The following SGCD variants were observed in gnomAD, a reference collection of about 807,000 sequenced individuals.
SGCD encodes sarcoglycan delta, also known as delta-sarcoglycan.
A neutral mutation model predicts 36.6 loss-of-function variants in SGCD; 18 were observed. The observed-to-expected ratio is 0.49, with a 90% CI of 0.34 to 0.73. The LOEUF is 0.73. SGCD is among the 30% of genes least tolerant of loss of function. The probability of loss-of-function intolerance (pLI) is 0.01; values close to 1 mark genes in which losing one functional copy is unlikely to be tolerated. For synonymous variants in SGCD, 133 were observed against 130.6 expected (o/e 1.02, Z -0.12); for missense variants, 387 against 346.7 (o/e 1.12, Z -0.92).
At chr5:156,427,486 C>T (rs1773724788) in intron 3 of SGCD, among the ~76,000 whole-genome samples, 3 of 151,998 alleles carry the variant, frequency 2.0e-5, no homozygotes, top group Admixed American at 1.3e-4. Flanking sequence ...TGGTGAACAG[C>T]GACAGTTTTA....
chr5:156,645,141 TTAAAA>T (rs1271827195), intron 6 of SGCD, among the ~76,000 whole-genome samples: 18 of 152,254 alleles, frequency 1.2e-4, no homozygotes, highest in Admixed American at 3.9e-4. Flanking sequence ...TAAATTGAAC[TTAAAA>T]TAAAGCTGAA....
chr5:156,562,719 A>G (rs2113249897), intron 4 of SGCD, among the ~76,000 whole-genome samples: 1 of 152,150 alleles, frequency 6.6e-6, no homozygotes, highest in East Asian at 1.9e-4. Context: ...AATCCAGGTA[A>G]CAGGCGATGG....
At chr5:156,377,189 A>T (rs1339318577) in intron 3 of SGCD, among the ~76,000 whole-genome samples, 2 of 152,234 alleles carry the variant, frequency 1.3e-5, no homozygotes, top group African/African-American at 4.8e-5. Flanking sequence ...AGTCTAATTA[A>T]TTCATCTGAT....
At chr5:156,201,189 G>A (rs890537643) in intron 3 of SGCD, among the ~76,000 whole-genome samples, 1 of 152,086 alleles carries the variant, frequency 6.6e-6, no homozygotes, top group Non-Finnish European at 1.5e-5. Flanking sequence ...TACATTTAAC[G>A]CTACTGAACT....
chr5:156,323,056 A>C (rs1767714323), upstream of SGCD, among the ~76,000 whole-genome samples: 1 of 152,164 alleles, frequency 6.6e-6, no homozygotes, highest in South Asian at 2.1e-4. Flanking sequence ...ACCCCAGGTG[A>C]TTCTAATATA....
intron 3 of SGCD, among the ~76,000 whole-genome samples, chr5:156,507,778 T>A (rs1756764996): frequency 6.6e-6 from 1 of 151,432 alleles, no homozygotes; most frequent in South Asian, 2.1e-4. Context: ...AGAGAGAAAA[T>A]GACTGACTGG....
intron 4 of SGCD, among the ~76,000 whole-genome samples, chr5:156,574,144 T>A (rs1315609731): frequency 6.6e-6 from 1 of 152,124 alleles, no homozygotes; most frequent in East Asian, 1.9e-4. Flanking sequence ...GGTGGGGAAA[T>A]GGAGATACAG....
At chr5:156,518,525 C>T (rs1160326741) in intron 4 of SGCD, among the ~76,000 whole-genome samples, 2 of 152,158 alleles carry the variant, frequency 1.3e-5, no homozygotes, top group African/African-American at 2.4e-5. Flanking sequence ...CCACAAACAA[C>T]AGAATATACA....
chr5:156,365,288 T>C (rs1157319133), intron 3 of SGCD, among the ~76,000 whole-genome samples: 1 of 152,198 alleles, frequency 6.6e-6, no homozygotes, highest in Non-Finnish European at 1.5e-5. Flanking sequence ...GAATTATCTA[T>C]TACCAAAAAC....
intron 1 of SGCD, among the ~76,000 whole-genome samples, chr5:155,912,595 G>C (rs570920591): frequency 5.3e-5 from 8 of 152,194 alleles, no homozygotes; most frequent in Admixed American, 4.6e-4. Flanking sequence ...GTGTGTGGCT[G>C]TATTTTAAGC....
intron 5 of SGCD, among the ~76,000 whole-genome samples, chr5:156,590,283 G>T (rs111635832): frequency 6.6e-6 from 1 of 152,254 alleles, no homozygotes; most frequent in African/African-American, 2.4e-5. Flanking sequence ...CACTCCTGGG[G>T]AGGGAGCCTC....
At chr5:155,831,865 T>A in the SGCD span, among the ~76,000 whole-genome samples, 1 of 152,112 alleles carries the variant, frequency 6.6e-6, no homozygotes, top group South Asian at 2.1e-4. Context: ...TAGGCAATGA[T>A]CTTGGGGATT....
At chr5:155,738,888 T>A in the SGCD span, among the ~76,000 whole-genome samples, 7 of 149,576 alleles carry the variant, frequency 4.7e-5, no homozygotes, top group African/African-American at 1.7e-4. Flanking sequence ...AGAGAGTGTG[T>A]GTGAGTGTGT....
intron 3 of SGCD, among the ~76,000 whole-genome samples, chr5:156,280,223 G>T (rs1389427493): frequency 1.3e-5 from 2 of 152,162 alleles, no homozygotes; most frequent in Non-Finnish European, 2.9e-5. Context: ...CCTCTAGTTT[G>T]CTTCTTATAA....
the SGCD span, among the ~76,000 whole-genome samples, chr5:155,743,246 T>C: frequency 6.6e-6 from 1 of 152,220 alleles, no homozygotes; most frequent in South Asian, 2.1e-4. Context: ...GCCCCCATGC[T>C]GAGGCTATCC....
chr5:156,031,820 C>G (rs1759353965), intron 1 of SGCD, among the ~76,000 whole-genome samples: 1 of 152,082 alleles, frequency 6.6e-6, no homozygotes, highest in Non-Finnish European at 1.5e-5. Flanking sequence ...AGGGGCTTAA[C>G]CAAGATTTGA....
intron 7 of SGCD, among the ~76,000 whole-genome samples, chr5:156,706,283 A>C (rs979450743): frequency 6.6e-6 from 1 of 152,146 alleles, no homozygotes; most frequent in Admixed American, 6.5e-5. Flanking sequence ...TGTTTATCTC[A>C]ATTACAGTGG....
intron 5 of SGCD, among the ~76,000 whole-genome samples, chr5:156,589,889 C>T (rs1263655529): frequency 6.6e-6 from 1 of 152,080 alleles, no homozygotes; most frequent in South Asian, 2.1e-4. Context: ...TGGAAAGCAC[C>T]CACTGTGTTT....
chr5:156,485,021 T>C (rs747533313), intron 3 of SGCD, among the ~76,000 whole-genome samples: 4 of 152,232 alleles, frequency 2.6e-5, no homozygotes, highest in Admixed American at 6.5e-5. Flanking sequence ...AACAAACTTT[T>C]TTTTTTTTCA....
Sources: gnomAD v4.1 joint callset for allele counts (sites outside exome capture counted in the v4.1 genomes callset) on GRCh38, gnomAD v4.1.1 for gene constraint, MANE v1.5 for transcripts, NCBI Gene and HGNC (gene_info 2026-07-23, HGNC 2026-07-21) for gene names.